The following CCDC187 variants were observed in gnomAD, a reference collection of about 807,000 sequenced individuals.
The protein encoded by CCDC187 is coiled-coil domain containing 187.
In CCDC187, 32 loss-of-function variants were observed where a neutral mutation model predicts 38.0. The ratio of observed to expected loss-of-function variants is 0.84; its 90% CI spans 0.64 to 1.13. The LOEUF is 1.13. Ranked by LOEUF, CCDC187 falls within the 50% of genes most tolerant of loss-of-function variation. CCDC187 has a pLI of 0.00. For synonymous variants in CCDC187, 333 were observed against 347.9 expected (o/e 0.96, Z 0.48); for missense variants, 707 against 786.8 (o/e 0.90, Z 1.21).
upstream of CCDC187, among the ~76,000 whole-genome samples, chr9:136,304,892 C>G (rs2131376317): frequency 6.6e-6 from 1 of 152,310 alleles, no homozygotes; most frequent in Non-Finnish European, 1.5e-5. Flanking sequence ...CGAAAGACCT[C>G]TTAAGTCTAG....
rs36173623 is a variant in CCDC187, at chr9:136,286,366, A to G, written c.2552T>C (p.Leu851Pro). ...CACAGCTGGGTCCCTGACGGTGTCC[A>G]GCGCTTCGGCACCCTGCAGCTTGGC... is the stretch of plus-strand genomic sequence containing the variant. ...LTAKLQGAEA[L>P]DTVRDPAVGL... is the part of the protein sequence containing the mutation. Residue 851 changes from leucine (L) to proline (P), a missense_variant, in exon 8 of 26, where the codon CTG (leucine) becomes CCG (proline). Coordinates refer to ENST00000638797, the MANE Select transcript of CCDC187 (RefSeq NM_001378188.1). 0.8 allele frequency: 320,323 copies of G among 398,218 alleles called. 130,320 individuals are homozygous for G. The highest frequency in any genetic ancestry group is 0.84 in the Non-Finnish European group (188,733 of 225,950). 24.7% of individuals were successfully genotyped at this position (398,218 alleles called of 1,614,324 possible).
chr9:136,293,876 ACT>A (rs1460176751), intron 4 of CCDC187, among the ~76,000 whole-genome samples: 6 of 150,916 alleles, frequency 4.0e-5, no homozygotes, highest in African/African-American at 7.3e-5. Flanking sequence ...ATGCTCTCTG[ACT>A]CACACGCTCA....
At position 136,300,214 on chromosome 9, in the gene CCDC187, G is replaced by T; in HGVS notation, c.724+6C>A. The T allele has an allele frequency of 2.5e-6, 1 of 398,648 alleles. No homozygotes were observed. Among genetic ancestry groups the T allele is most frequent in the Non-Finnish European group, 4.4e-6 (1 of 226,096 alleles). 24.7% of individuals were successfully genotyped at this position (398,648 alleles called of 1,614,324 possible). On this transcript the variant is annotated splice_donor_region_variant and intron_variant, in intron 3 of 25. Transcript: ENST00000638797. ...GCACCAGGGCAGCCGCCGCAGAGCC[G>T]CTCACCAGGAACCTGGTGCTGGGAG...
At chr9:136,293,087 C>T (rs1002212629) in intron 4 of CCDC187, among the ~76,000 whole-genome samples, 2 of 152,120 alleles carry the variant, frequency 1.3e-5, no homozygotes, top group Non-Finnish European at 2.9e-5. Context: ...CACATGCTCA[C>T]ACACTCACAA....
chr9:136,273,643 C>T (rs1199261082), intron 14 of CCDC187, among the ~76,000 whole-genome samples: 2 of 152,212 alleles, frequency 1.3e-5, no homozygotes, highest in African/African-American at 2.4e-5. Context: ...ATTTGAAGAG[C>T]GTGATCCACC....
At chr9:136,305,713 T>TGGAAATGCGTCGCTGTGACTG (rs1477966395), upstream of CCDC187, among the ~76,000 whole-genome samples, 1 of 152,140 alleles carries the variant, frequency 6.6e-6, no homozygotes, top group Non-Finnish European at 1.5e-5. Flanking sequence ...CATAAATGCG[T>TGGAAATGCGTCGCTGTGACTG]GGAAATGCGT....
intron 14 of CCDC187, among the ~76,000 whole-genome samples, chr9:136,273,034 C>T (rs1363765941): frequency 6.6e-6 from 1 of 152,084 alleles, no homozygotes; most frequent in Admixed American, 6.6e-5. Context: ...AGCTCCTGAG[C>T]CAACAATGGA....
intron 7 of CCDC187, among the ~76,000 whole-genome samples, chr9:136,287,464 G>C (rs989957785): frequency 6.6e-6 from 1 of 152,158 alleles, no homozygotes; most frequent in Non-Finnish European, 1.5e-5. Flanking sequence ...CAGAGTCCTC[G>C]TTCATCACGC....
chr9:136,256,883 C>G (rs1830619540), intron 22 of CCDC187, 42 bp from the exon 23 acceptor site: 1 of 152,436 alleles, frequency 6.6e-6, no homozygotes, highest in African/African-American at 2.4e-5. Flanking sequence ...GGGACAGAGG[C>G]AGGGAGCAGG....
In CCDC187 at chr9:136,286,257, T is replaced by C. The variant is rs1050156841; in HGVS notation, c.2661A>G (p.Gly887=). The change falls in exon 8 of 26, where the codon GGA becomes GGG. Residue 887 remains glycine, a synonymous_variant. Transcript: ENST00000638797. ...TPTLATPACP[G]ALGPNWGRGA... is the part of the protein sequence containing the mutation. The stretch of plus-strand genomic sequence containing the variant: ...CTCTGCCCCAGTTGGGCCCCAAGGC[T>C]CCAGGGCAGGCTGGGGTGGCAAGCG... 5.3e-5 allele frequency: 21 copies of C among 398,384 alleles called. No homozygotes were observed. The highest frequency in any genetic ancestry group is 2.2e-4 in the Admixed American group (5 of 22,712). 24.7% of individuals were successfully genotyped at this position (398,384 alleles called of 1,614,324 possible). A position where few individuals can be genotyped will look rare whatever the true frequency, so the allele number is the denominator to read the frequency against.
At chr9:136,268,335 AC>A (rs1830784133) in intron 14 of CCDC187, among the ~76,000 whole-genome samples, 1 of 152,160 alleles carries the variant, frequency 6.6e-6, no homozygotes, top group Non-Finnish European at 1.5e-5. Context: ...GTGGTTTGTG[AC>A]CCTACTGATC....
At chr9:136,282,980 G>A (rs1831082774) in intron 9 of CCDC187, among the ~76,000 whole-genome samples, 1 of 152,254 alleles carries the variant, frequency 6.6e-6, no homozygotes, top group Non-Finnish European at 1.5e-5. Context: ...GCCGGGCACA[G>A]TGGCTCACGC....
intron 9 of CCDC187, among the ~76,000 whole-genome samples, chr9:136,282,211 G>A (rs1330488197): frequency 2.0e-5 from 3 of 152,244 alleles, no homozygotes; most frequent in Admixed American, 2.0e-4. Context: ...GCTGGCACTG[G>A]AGACTGCAGG....
At chr9:136,299,750 G>C (rs1241917629) in intron 3 of CCDC187, among the ~76,000 whole-genome samples, 3 of 152,236 alleles carry the variant, frequency 2.0e-5, no homozygotes, top group African/African-American at 4.8e-5. Flanking sequence ...CCTTCCTCAC[G>C]GGCCTGGGAG....
intron 9 of CCDC187, among the ~76,000 whole-genome samples, chr9:136,283,533 G>GGGCCACGGTTCA (rs1831097451): frequency 6.6e-6 from 1 of 152,228 alleles, no homozygotes; most frequent in Non-Finnish European, 1.5e-5. Flanking sequence ...GGGTCCCTCC[G>GGGCCACGGTTCA]GGCCACGGTT....
Position 136,254,337 on chromosome 9 carries a change from G to T in CCDC187, c.5491C>A (p.Pro1831Thr). Residue 1831 changes from proline (P) to threonine (T), a missense_variant, in exon 26 of 26, where the codon CCC (proline) becomes ACC (threonine). Physicochemically the swap from Pro to Thr is conservative, Grantham distance 38 (BLOSUM62 -1). Transcript: ENST00000638797. ...CATGGGGACGGAAGAGCCACCTGGG[G>T]CTCCATGCCGCTTCTGACACCCCCT... ...LKGGVRSGMEPQVALPSPWPG... is the reference protein window; with the variant it reads ...LKGGVRSGMETQVALPSPWPG... 1 of 984,262 alleles carries T rather than the reference G, an allele frequency of 1.0e-6. No individual in the cohort carries two copies. Among genetic ancestry groups the T allele is most frequent in the Non-Finnish European group, 1.2e-6 (1 of 829,050 alleles). The allele number at this position is 984,262 out of a possible 1,614,324, so 61.0% of individuals were successfully genotyped here.
chr9:136,293,931 C>T (rs1184387470), intron 4 of CCDC187, among the ~76,000 whole-genome samples: 4 of 142,794 alleles, frequency 2.8e-5, no homozygotes, highest in African/African-American at 1.0e-4. Context: ...CACACTCCCT[C>T]GTGCTCTCCC....
intron 14 of CCDC187, among the ~76,000 whole-genome samples, chr9:136,269,767 A>T (rs1427820845): frequency 6.6e-6 from 1 of 152,252 alleles, no homozygotes; most frequent in African/African-American, 2.4e-5. Flanking sequence ...ACCAGTAATG[A>T]GCAGGATAAT....
At chr9:136,306,673 G>A (rs1831808335), upstream of CCDC187, 1 of 152,676 alleles carries the variant, frequency 6.5e-6, no homozygotes, top group Non-Finnish European at 1.5e-5. Context: ...GTGCCAAGCT[G>A]TCCTACACCT....
Sources: gnomAD v4.1 joint callset for allele counts (sites outside exome capture counted in the v4.1 genomes callset) on GRCh38, gnomAD v4.1.1 for gene constraint, MANE v1.5 for transcripts, NCBI Gene and HGNC (gene_info 2026-07-23, HGNC 2026-07-21) for gene names.